Variants in PALM2AKAP2 observed in about 807,000 individuals in gnomAD.
The protein encoded by PALM2AKAP2 is PALM2 and AKAP2 fusion.
Under a neutral mutation model 71.5 loss-of-function variants are expected in PALM2AKAP2, and 37 were observed. The ratio of observed to expected loss-of-function variants is 0.52; its 90% CI spans 0.40 to 0.68. The LOEUF (loss-of-function observed/expected upper bound fraction) is 0.68, where lower values mean the gene tolerates loss of function less well. Ranked by LOEUF, PALM2AKAP2 falls within the 30% of genes least tolerant of loss-of-function variation. The pLI is 0.00. For synonymous variants in PALM2AKAP2, 468 were observed against 478.8 expected, an observed-to-expected ratio of 0.98 and a Z score of 0.29; for missense variants, 1,224 against 1,191.8, an observed-to-expected ratio of 1.03 and a Z score of -0.40.
At chr9:110,089,941 C>A (rs569199621) in intron 1 of PALM2AKAP2, among the ~76,000 whole-genome samples, 1 of 152,298 alleles carries the variant, frequency 6.6e-6, no homozygotes, top group Non-Finnish European at 1.5e-5. Context: ...CAACAAAAAA[C>A]CACAACTGCC....
At chr9:110,118,009 G>GTGTA (rs1392867801) in intron 1 of PALM2AKAP2, among the ~76,000 whole-genome samples, 2 of 149,838 alleles carry the variant, frequency 1.3e-5, no homozygotes, top group African/African-American at 4.9e-5. Flanking sequence ...GTGTGTGTGT[G>GTGTA]TATGTAGTTC....
chr9:109,738,620 C>A (rs116009806), intron 1 of PALM2AKAP2, among the ~76,000 whole-genome samples: 7 of 152,108 alleles, frequency 4.6e-5, no homozygotes, highest in Admixed American at 4.6e-4. Context: ...TTTATCATTA[C>A]GGTAGTCTTC....
chr9:109,836,754 C>T (rs937941570), intron 1 of PALM2AKAP2, among the ~76,000 whole-genome samples: 4 of 152,146 alleles, frequency 2.6e-5, no homozygotes, highest in African/African-American at 9.6e-5. Flanking sequence ...GTAGCTGATT[C>T]GATCAACTGG....
upstream of PALM2AKAP2, chr9:110,048,597 C>T (rs960093785): frequency 8.4e-7 from 1 of 1,190,560 alleles, no homozygotes; most frequent in African/African-American, 1.8e-5. Flanking sequence ...GGGCGCTGGG[C>T]TACTGGAGGG....
Position 109,659,573 on chromosome 9 carries a change from C to T in PALM2AKAP2, c.5+18707C>T, listed in dbSNP as rs186138540. On this transcript the variant is annotated intron_variant, in intron 1 of 6. Coordinates refer to the PALM2AKAP2 transcript ENST00000374531. ...GCATAATGTTTTCAAGGTCCTTCTA[C>T]ACCATAGTATATTATCAGTATTCCA... Among the ~76,000 whole-genome samples, 22 of 152,274 alleles carry T rather than the reference C, an allele frequency of 1.4e-4. No individual in the cohort carries two copies. The Middle Eastern group carries it at 0.01, about 71-fold the overall frequency.
intron 1 of PALM2AKAP2, among the ~76,000 whole-genome samples, chr9:109,684,922 A>G (rs1827786733): frequency 6.6e-6 from 1 of 152,230 alleles, no homozygotes; most frequent in Admixed American, 6.5e-5. Flanking sequence ...AGGTGAGTAG[A>G]TAAGAAAACT....
In PALM2AKAP2 at chr9:109,662,561, T is replaced by C. The variant is rs1465918655; in HGVS notation, c.5+21695T>C. ...AAGCTTTTTGATGTGCTGCTGGATT[T>C]GGTTTGCCAGTATTTTATTGAGGAT... On this transcript the variant is annotated intron_variant, in intron 1 of 6. Transcript: ENST00000374531. Among the ~76,000 whole-genome samples, 5 of 152,268 alleles carry C rather than the reference T, an allele frequency of 3.3e-5. No homozygotes were observed. The South Asian group carries it at 8.3e-4, about 25-fold the overall frequency.
chr9:110,162,690 C>G (rs1037216142), intron 3 of PALM2AKAP2, among the ~76,000 whole-genome samples: 2 of 152,128 alleles, frequency 1.3e-5, no homozygotes, highest in Non-Finnish European at 2.9e-5. Context: ...AAACTCTAAG[C>G]CTTGATTTCT....
intron 1 of PALM2AKAP2, among the ~76,000 whole-genome samples, chr9:109,763,706 C>T (rs77494881): frequency 6.6e-6 from 1 of 152,264 alleles, no homozygotes; most frequent in African/African-American, 2.4e-5. Flanking sequence ...AAGGAAGAAT[C>T]TGTCCTTGCT....
chr9:110,121,603 C>T (rs1835488445), intron 1 of PALM2AKAP2, among the ~76,000 whole-genome samples: 1 of 152,230 alleles, frequency 6.6e-6, no homozygotes, highest in African/African-American at 2.4e-5. Flanking sequence ...CTGAGGACCT[C>T]ATTCCTTCCT....
intron 1 of PALM2AKAP2, 90 bp downstream of exon 1, chr9:109,780,623 A>G (rs954751177): frequency 2.6e-6 from 4 of 1,554,778 alleles, no homozygotes; most frequent in Non-Finnish European, 3.5e-6. Flanking sequence ...ATGCCAGCAC[A>G]GTAGCCGCAG....
At chr9:109,760,126 T>C (rs1178332225) in intron 1 of PALM2AKAP2, among the ~76,000 whole-genome samples, 1 of 152,170 alleles carries the variant, frequency 6.6e-6, no homozygotes, top group Non-Finnish European at 1.5e-5. Flanking sequence ...TATTCCAGAA[T>C]GTTGTATGAA....
intron 1 of PALM2AKAP2, among the ~76,000 whole-genome samples, chr9:110,132,921 A>G (rs1225639631): frequency 6.6e-6 from 1 of 152,262 alleles, no homozygotes; most frequent in African/African-American, 2.4e-5. Context: ...CCAACTAACT[A>G]GCATATTTTA....
rs80236154 is a variant in PALM2AKAP2 at position 110,082,455 on chromosome 9, A to T, written c.156+33600A>T. 3.5e-3 allele frequency among the ~76,000 whole-genome samples: 532 copies of T among 152,320 alleles called. 4 individuals are homozygous for T. The highest frequency in any genetic ancestry group is 0.012 in the African/African-American group (510 of 41,568). ...AATCACCCTTGAGATCACCTATAAAATAAAGTATATAAAAACAACCAGTAG... is the reference window on the plus strand; with the variant it reads ...AATCACCCTTGAGATCACCTATAAATTAAAGTATATAAAAACAACCAGTAG... On this transcript the variant is annotated intron_variant, in intron 1 of 3. Coordinates refer to ENST00000374525, the Ensembl canonical transcript of PALM2AKAP2.
intron 6 of PALM2AKAP2, among the ~76,000 whole-genome samples, chr9:110,008,538 G>A (rs980339587): frequency 6.6e-5 from 10 of 152,106 alleles, no homozygotes; most frequent in African/African-American, 2.4e-4. Context: ...CTAGAACACA[G>A]CAAATTTATC....
chr9:109,954,939 TG>T (rs1381299555), intron 6 of PALM2AKAP2, among the ~76,000 whole-genome samples: 16 of 152,168 alleles, frequency 1.1e-4, no homozygotes, highest in Non-Finnish European at 2.1e-4. Context: ...GAGCTGATGG[TG>T]GTTGCTAACT....
intron 1 of PALM2AKAP2, among the ~76,000 whole-genome samples, chr9:109,748,880 C>T (rs1030586892): frequency 2.6e-5 from 4 of 152,166 alleles, no homozygotes; most frequent in African/African-American, 4.8e-5. Context: ...TCACCTGGTC[C>T]TCCCTCTGTG....
intron 1 of PALM2AKAP2, among the ~76,000 whole-genome samples, chr9:109,747,132 T>C (rs1828815245): frequency 1.3e-5 from 2 of 152,190 alleles, no homozygotes; most frequent in South Asian, 4.1e-4. Flanking sequence ...AATATTTCTA[T>C]GGTTTTATAT....
chr9:110,000,380 T>C (rs1217338369), intron 6 of PALM2AKAP2, among the ~76,000 whole-genome samples: 3 of 152,238 alleles, frequency 2.0e-5, no homozygotes, highest in Non-Finnish European at 4.4e-5. Context: ...CCATGGTGTA[T>C]GTGTGCCACA....
Sources: gnomAD v4.1 joint callset for allele counts (sites outside exome capture counted in the v4.1 genomes callset) on GRCh38, gnomAD v4.1.1 for gene constraint, MANE v1.5 for transcripts, NCBI Gene and HGNC (gene_info 2026-07-23, HGNC 2026-07-21) for gene names.